TECRL: variants seen among roughly 807,000 people sequenced by gnomAD.
TECRL encodes the protein trans-2,3-enoyl-CoA reductase-like.
A neutral mutation model predicts 52.8 loss-of-function variants in TECRL; 63 were observed. That is an observed-to-expected ratio of 1.19 (90% CI 0.97 to 1.47). The LOEUF is 1.47. Among genes scored for constraint, TECRL ranks in the 40% most tolerant of loss-of-function variants. The probability of loss-of-function intolerance (pLI) is 0.00; values close to 1 mark genes in which losing one functional copy is unlikely to be tolerated. For synonymous variants in TECRL, 164 were observed against 141.9 expected, an observed-to-expected ratio of 1.16 and a Z score of -1.10; for missense variants, 482 against 429.6, an observed-to-expected ratio of 1.12 and a Z score of -1.08.
intron 2 of TECRL, among the ~76,000 whole-genome samples, chr4:64,343,908 A>C (rs1413372927): frequency 1.3e-5 from 2 of 152,032 alleles, no homozygotes; most frequent in African/African-American, 2.4e-5. Context: ...ACCTGCTTTC[A>C]TTTGTAATCT....
At chr4:64,390,030 A>T (rs926075716) in intron 1 of TECRL, among the ~76,000 whole-genome samples, 1 of 151,800 alleles carries the variant, frequency 6.6e-6, no homozygotes, top group African/African-American at 2.4e-5. Context: ...ACTGACTTCT[A>T]CCTGATGAGT....
At chr4:64,280,466 T>G (rs555165588) in intron 11 of TECRL, among the ~76,000 whole-genome samples, 6 of 152,280 alleles carry the variant, frequency 3.9e-5, no homozygotes, top group Admixed American at 6.5e-5. Flanking sequence ...TAAGGATTTA[T>G]TTTTGTACTT....
chr4:64,356,919 T>C (rs540758571), intron 2 of TECRL, among the ~76,000 whole-genome samples: 22 of 152,288 alleles, frequency 1.4e-4, no homozygotes, highest in African/African-American at 5.3e-4. Context: ...AATTTACAGA[T>C]GCATTTGATA....
intron 1 of TECRL, among the ~76,000 whole-genome samples, chr4:64,376,032 GATTT>G (rs1028135872): frequency 6.6e-6 from 1 of 151,626 alleles, no homozygotes; most frequent in African/African-American, 2.4e-5. Flanking sequence ...ATGTCTACAT[GATTT>G]ATTTATGCTA....
intron 2 of TECRL, among the ~76,000 whole-genome samples, chr4:64,346,163 C>T (rs2109552207): frequency 6.6e-6 from 1 of 152,170 alleles, no homozygotes; most frequent in Non-Finnish European, 1.5e-5. Context: ...TACTTTCTTG[C>T]TACGAAATAT....
At chr4:64,277,527 A>C (rs1266083244), downstream of TECRL, among the ~76,000 whole-genome samples, 1 of 151,786 alleles carries the variant, frequency 6.6e-6, no homozygotes, top group Non-Finnish European at 1.5e-5. Context: ...GGGAATTATA[A>C]GGCTTTTAAA....
chr4:64,329,603 C>G (rs1346083485), intron 2 of TECRL, among the ~76,000 whole-genome samples: 1 of 151,786 alleles, frequency 6.6e-6, no homozygotes, highest in Non-Finnish European at 1.5e-5. Flanking sequence ...GTAAATTTAA[C>G]TATCTAGAAA....
intron 2 of TECRL, among the ~76,000 whole-genome samples, chr4:64,372,163 T>G (rs1227581616): frequency 6.6e-6 from 1 of 151,778 alleles, no homozygotes; most frequent in Non-Finnish European, 1.5e-5. Context: ...GAAAATTTCT[T>G]AAGCTCTCTA....
intron 6 of TECRL, among the ~76,000 whole-genome samples, chr4:64,306,250 C>T (rs972527159): frequency 1.9e-4 from 29 of 152,126 alleles, no homozygotes; most frequent in African/African-American, 7.0e-4. Context: ...TTTGTCAAAA[C>T]CTCTTCATCC....
intron 4 of TECRL, among the ~76,000 whole-genome samples, chr4:64,320,550 T>C (rs73228579): frequency 0.011 from 1,748 of 152,140 alleles, 45 homozygotes; most frequent in African/African-American, 0.04. Context: ...ATGATTTTCC[T>C]CTCAAACAAG....
Position 64,299,954 on chromosome 4 carries a change from A to AAT in TECRL, c.774+18_774+19dup, listed in dbSNP as rs1723914306. On this transcript the variant is annotated intron_variant, in intron 8 of 11. Transcript: ENST00000381210. ...ACCAAAATTAGAGCGTGAATAGCAAAATATATATATGATACATACCAGAAA... is the reference window on the plus strand; with the variant it reads ...ACCAAAATTAGAGCGTGAATAGCAAAATATATATATATGATACATACCAGAAA... 4.7e-6 allele frequency: 7 copies of AAT among 1,486,354 alleles called. No individual in the cohort carries two copies. The highest frequency in any genetic ancestry group is 2.4e-5 in the East Asian group (1 of 41,044). 92.1% of individuals were successfully genotyped at this position (1,486,354 alleles called of 1,614,324 possible).
intron 2 of TECRL, among the ~76,000 whole-genome samples, chr4:64,336,929 T>A (rs1306288265): frequency 6.6e-6 from 1 of 152,192 alleles, no homozygotes; most frequent in African/African-American, 2.4e-5. Context: ...TACATCCAAC[T>A]ATGTGGTCAA....
chr4:64,398,047 A>T (rs1724083064), intron 1 of TECRL, among the ~76,000 whole-genome samples: 1 of 147,958 alleles, frequency 6.8e-6, no homozygotes, highest in Non-Finnish European at 1.5e-5. Context: ...TATCTTTAAA[A>T]ATTTTATTAC....
chr4:64,374,054 T>TATATATATATATAGTAGATAC (rs1553919044), intron 2 of TECRL, among the ~76,000 whole-genome samples: 78 of 21,622 alleles, frequency 3.6e-3, no homozygotes, highest in African/African-American at 4.7e-3. Context: ...AGTAGATACA[T>TATATATATATATAGTAGATAC]ATATATATAT....
chr4:64,327,693 A>G (rs1718355837), intron 3 of TECRL, among the ~76,000 whole-genome samples: 1 of 152,044 alleles, frequency 6.6e-6, no homozygotes, highest in African/African-American at 2.4e-5. Flanking sequence ...TTAAATGTTT[A>G]AGACAGCAAT....
intron 2 of TECRL, among the ~76,000 whole-genome samples, chr4:64,351,797 T>C (rs1437372669): frequency 1.3e-5 from 2 of 152,190 alleles, no homozygotes; most frequent in East Asian, 3.8e-4. Context: ...AATTGCATAG[T>C]AAATGGTATA....
chr4:64,360,734 C>T (rs1346401937), intron 2 of TECRL, among the ~76,000 whole-genome samples: 1 of 152,110 alleles, frequency 6.6e-6, no homozygotes, highest in Non-Finnish European at 1.5e-5. Flanking sequence ...TCATTCCTGG[C>T]CCTGAATGGC....
At chr4:64,320,383 G>T (rs1027566313) in intron 4 of TECRL, among the ~76,000 whole-genome samples, 2 of 151,836 alleles carry the variant, frequency 1.3e-5, no homozygotes, top group African/African-American at 4.8e-5. Flanking sequence ...TACTTTTGTT[G>T]CATAATTTAG....
At chr4:64,382,727 A>C (rs1327414925) in intron 1 of TECRL, among the ~76,000 whole-genome samples, 1 of 152,126 alleles carries the variant, frequency 6.6e-6, no homozygotes, top group Non-Finnish European at 1.5e-5. Context: ...TATAGGATAC[A>C]ACTTATTCCT....
Sources: gnomAD v4.1 joint callset for allele counts (sites outside exome capture counted in the v4.1 genomes callset) on GRCh38, gnomAD v4.1.1 for gene constraint, MANE v1.5 for transcripts, NCBI Gene and HGNC (gene_info 2026-07-23, HGNC 2026-07-21) for gene names.